PDE12: variants seen among roughly 807,000 people sequenced by gnomAD.
PDE12 encodes phosphodiesterase 12.
Under a neutral mutation model 45.4 loss-of-function variants are expected in PDE12, and 26 were observed. That is an observed-to-expected ratio of 0.57 (90% CI 0.42 to 0.79). PDE12 has a LOEUF of 0.79. Ranked by LOEUF, PDE12 falls within the 30% of genes least tolerant of loss-of-function variation. The probability of loss-of-function intolerance (pLI) is 0.00; values close to 1 mark genes in which losing one functional copy is unlikely to be tolerated. For missense variants in PDE12, 668 were observed against 790.0 expected (o/e 0.85, Z 1.85); for synonymous variants, 283 against 323.9 (o/e 0.87, Z 1.36).
At chr3:57,617,287 C>T in the PDE12 span, among the ~76,000 whole-genome samples, 1 of 151,178 alleles carries the variant, frequency 6.6e-6, no homozygotes, top group Non-Finnish European at 1.5e-5. Context: ...AGCCTGTAGT[C>T]CCAGTTACTT....
rs1385508904 is a variant in PDE12, at chr3:57,559,974, A to G, written c.1800A>G (p.Ile600Met). ...GTGTTTCCCATCCCTCTGATCACAT[A>G]GCACTTGTATGTGATTTAAAATGGA... ...LPSVSHPSDH[I>M]ALVCDLKWK is the part of the protein sequence containing the mutation. The change falls in exon 3 of 3, where the codon ATA (isoleucine) becomes ATG (methionine). Residue 600 changes from isoleucine (I) to methionine (M), a missense_variant. Physicochemically the swap from Ile to Met is conservative, Grantham distance 10 (BLOSUM62 1). This residue lies in a region of PDE12 where 79 missense variants were observed against 97.9 expected (regional missense o/e 0.81). Transcript: ENST00000311180. 3 of 1,610,278 alleles carry G rather than the reference A, an allele frequency of 1.9e-6. No homozygotes were observed. The highest frequency in any genetic ancestry group is 2.5e-6 in the Non-Finnish European group (3 of 1,179,208).
At chr3:57,596,926 G>C in the PDE12 span, 1 of 774,160 alleles carries the variant, frequency 1.3e-6, no homozygotes, top group Admixed American at 2.5e-5. Context: ...CCGCTCCATT[G>C]TTCCCCCTTA....
chr3:57,636,556 G>A, the PDE12 span, among the ~76,000 whole-genome samples: 4 of 152,246 alleles, frequency 2.6e-5, no homozygotes, highest in East Asian at 7.7e-4. Flanking sequence ...ATACTACGGA[G>A]ACACAGAAGA....
chr3:57,602,752 G>T, the PDE12 span, among the ~76,000 whole-genome samples: 10 of 151,972 alleles, frequency 6.6e-5, no homozygotes, highest in African/African-American at 2.4e-4. Context: ...TGTAGTTTTA[G>T]TAGAGACGGT....
At position 57,561,683 on chromosome 3, in the gene PDE12, G is replaced by A; in HGVS notation, c.*1679G>A. 1.0e-6 allele frequency: 1 copy of A among 984,906 alleles called. No individual in the cohort carries two copies. Among genetic ancestry groups the A allele is most frequent in the East Asian group, 1.1e-4 (1 of 8,804 alleles). 61.0% of individuals were successfully genotyped at this position (984,906 alleles called of 1,614,324 possible). A position where few individuals can be genotyped will look rare whatever the true frequency, so the allele number is the denominator to read the frequency against. ...GCCCACTCCCTTCAAGAAAAGCTTT[G>A]ATTTTCCCCAGTCATGAAAGCCCTT... On this transcript the variant is annotated 3_prime_UTR_variant, in exon 3 of 3. Transcript: ENST00000311180.
the PDE12 span, among the ~76,000 whole-genome samples, chr3:57,643,224 A>G: frequency 1.3e-5 from 2 of 152,196 alleles, no homozygotes; most frequent in Non-Finnish European, 2.9e-5. Context: ...GGCATGTTAC[A>G]AAGGAGAAAT....
the PDE12 span, among the ~76,000 whole-genome samples, chr3:57,607,814 A>C: frequency 5.3e-5 from 8 of 152,082 alleles, no homozygotes; most frequent in Admixed American, 5.3e-4. Flanking sequence ...AAACACTCTA[A>C]AGGATATTAT....
the PDE12 span, among the ~76,000 whole-genome samples, chr3:57,607,351 A>AACGC: frequency 6.6e-6 from 1 of 152,182 alleles, no homozygotes; most frequent in African/African-American, 2.4e-5. Context: ...CCTCCGAAGG[A>AACGC]ACGCAGCTCC....
At chr3:57,646,270 C>G in the PDE12 span, 1 of 1,581,426 alleles carries the variant, frequency 6.3e-7, no homozygotes, top group Non-Finnish European at 8.6e-7. Context: ...TTAAGTACTG[C>G]AGCATCCAAA....
At chr3:57,595,854 G>A in the PDE12 span, among the ~76,000 whole-genome samples, 8 of 152,050 alleles carry the variant, frequency 5.3e-5, no homozygotes, top group Admixed American at 4.6e-4. Context: ...GGGAGGCTGA[G>A]GCAGGAGAAT....
At chr3:57,642,045 T>C in the PDE12 span, among the ~76,000 whole-genome samples, 2 of 152,132 alleles carry the variant, frequency 1.3e-5, no homozygotes, top group South Asian at 4.1e-4. Flanking sequence ...CCGAGCGCGG[T>C]GATTCACGCC....
chr3:57,645,865 T>G, the PDE12 span: 6 of 699,952 alleles, frequency 8.6e-6, no homozygotes, highest in African/African-American at 1.8e-5. Flanking sequence ...GATACTTTGT[T>G]TATTTTAATA....
the PDE12 span, among the ~76,000 whole-genome samples, chr3:57,614,981 G>A: frequency 0.13 from 20,184 of 150,178 alleles, 1,450 homozygotes; most frequent in South Asian, 0.21. Flanking sequence ...TAACAAAGTG[G>A]GACTGTGTCT....
At chr3:57,606,059 GA>G in the PDE12 span, among the ~76,000 whole-genome samples, 2 of 152,074 alleles carry the variant, frequency 1.3e-5, no homozygotes, top group Non-Finnish European at 2.9e-5. Flanking sequence ...AAGAGGGACA[GA>G]AAAAAATATG....
chr3:57,613,050 G>A, the PDE12 span, among the ~76,000 whole-genome samples: 8 of 151,794 alleles, frequency 5.3e-5, no homozygotes, highest in Admixed American at 1.3e-4. Flanking sequence ...GCATGATCTC[G>A]GCTCACTGCA....
chr3:57,608,293 G>T, the PDE12 span, among the ~76,000 whole-genome samples: 1 of 152,206 alleles, frequency 6.6e-6, no homozygotes, highest in East Asian at 1.9e-4. Flanking sequence ...ATGCCAAATT[G>T]TAAAGACCAT....
chr3:57,619,775 G>A, the PDE12 span, among the ~76,000 whole-genome samples: 9 of 151,062 alleles, frequency 6.0e-5, no homozygotes, highest in Non-Finnish European at 1.2e-4. Flanking sequence ...GCTTAAACCC[G>A]GGAGGCAGAG....
the PDE12 span, among the ~76,000 whole-genome samples, chr3:57,637,106 A>T: frequency 6.6e-6 from 1 of 152,198 alleles, no homozygotes; most frequent in African/African-American, 2.4e-5. Flanking sequence ...CTCTGGTCCA[A>T]GAATACTGCA....
chr3:57,601,234 G>A, the PDE12 span, among the ~76,000 whole-genome samples: 1 of 151,692 alleles, frequency 6.6e-6, no homozygotes, highest in South Asian at 2.1e-4. Flanking sequence ...ATCAGCCTCC[G>A]GGGTAGCTGG....
Sources: gnomAD v4.1 joint callset for allele counts (sites outside exome capture counted in the v4.1 genomes callset) on GRCh38, gnomAD v4.1.1 for gene constraint, gnomAD v4.1.1 regional missense constraint, MANE v1.5 for transcripts, NCBI Gene and HGNC (gene_info 2026-07-23, HGNC 2026-07-21) for gene names.